The following DSCAM variants were observed in gnomAD, a reference collection of about 807,000 sequenced individuals.
DSCAM encodes cell adhesion molecule DSCAM.
A neutral mutation model predicts 217.7 loss-of-function variants in DSCAM; 47 were observed. That is an observed-to-expected ratio of 0.22 (90% CI 0.17 to 0.28). The LOEUF (loss-of-function observed/expected upper bound fraction) is 0.28, where lower values mean the gene tolerates loss of function less well. Ranked by LOEUF, DSCAM falls within the 10% of genes least tolerant of loss-of-function variation. DSCAM has a pLI of 1.00. For missense variants in DSCAM, 2,080 were observed against 2,618.3 expected (o/e 0.79, Z 4.49); for synonymous variants, 1,056 against 1,015.3 (o/e 1.04, Z -0.76).
intron 3 of DSCAM, among the ~76,000 whole-genome samples, chr21:40,604,087 G>C (rs1366916571): frequency 6.6e-6 from 1 of 151,432 alleles, no homozygotes; most frequent in Non-Finnish European, 1.5e-5. Flanking sequence ...TTTTGTAATT[G>C]TCCCAGAGTA....
At chr21:40,483,936 G>T (rs765789672) in intron 3 of DSCAM, among the ~76,000 whole-genome samples, 2 of 152,224 alleles carry the variant, frequency 1.3e-5, no homozygotes, top group Non-Finnish European at 2.9e-5. Context: ...TACCAAGGCT[G>T]AGGAAGTATT....
In DSCAM at chr21:40,455,816, A is replaced by G. The variant is rs545064928; in HGVS notation, c.509-86571T>C. ...AAAAAACGACATGGATGATAGATAAATAGATTGATGGATTGATAGATGATA... is the reference window on the plus strand; with the variant it reads ...AAAAAACGACATGGATGATAGATAAGTAGATTGATGGATTGATAGATGATA... On this transcript the variant is annotated intron_variant, in intron 3 of 32. Coordinates refer to ENST00000400454, the MANE Select transcript of DSCAM (RefSeq NM_001389.5). Among the ~76,000 whole-genome samples the G allele has an allele frequency of 2.6e-5, 4 of 152,194 alleles. No individual in the cohort carries two copies. The East Asian group carries it at 5.8e-4, about 22-fold the overall frequency.
chr21:40,759,463 T>C (rs1283159741), intron 1 of DSCAM, among the ~76,000 whole-genome samples: 1 of 152,208 alleles, frequency 6.6e-6, no homozygotes, highest in Non-Finnish European at 1.5e-5. Context: ...AAAGTGCACG[T>C]GACTCGCTTG....
intron 10 of DSCAM, among the ~76,000 whole-genome samples, chr21:40,288,761 G>T (rs946004731): frequency 6.6e-6 from 1 of 152,176 alleles, no homozygotes; most frequent in Non-Finnish European, 1.5e-5. Context: ...CTGACTAATG[G>T]CTATGTGCCA....
chr21:40,404,294 G>A (rs748006803), intron 3 of DSCAM, among the ~76,000 whole-genome samples: 19 of 152,190 alleles, frequency 1.2e-4, no homozygotes, highest in Non-Finnish European at 2.9e-5. Context: ...AAACAGTTAA[G>A]ATACTGTTTC....
chr21:40,041,884 T>C (rs762306436), intron 32 of DSCAM, among the ~76,000 whole-genome samples: 3 of 152,194 alleles, frequency 2.0e-5, no homozygotes, highest in Non-Finnish European at 4.4e-5. Flanking sequence ...GGCCTCTTTC[T>C]CTGGAATCAG....
intron 6 of DSCAM, among the ~76,000 whole-genome samples, chr21:40,344,491 A>G (rs996693750): frequency 6.6e-6 from 1 of 152,024 alleles, no homozygotes; most frequent in African/African-American, 2.4e-5. Flanking sequence ...ATTTTTCCTT[A>G]ATTTTTAAAG....
chr21:40,467,082 TGGCCACCAGAG>T (rs1165795516), intron 3 of DSCAM, among the ~76,000 whole-genome samples: 1 of 152,232 alleles, frequency 6.6e-6, no homozygotes, highest in Non-Finnish European at 1.5e-5. Context: ...AAAGATATTT[TGGCCACCAGAG>T]GGCTCCCAGA....
chr21:40,068,634 A>T (rs2089245509), intron 27 of DSCAM, among the ~76,000 whole-genome samples: 1 of 152,172 alleles, frequency 6.6e-6, no homozygotes, highest in Non-Finnish European at 1.5e-5. Context: ...TATTGATGAG[A>T]CAACCTGTTT....
At chr21:40,822,919 G>A (rs1287392016) in intron 1 of DSCAM, among the ~76,000 whole-genome samples, 1 of 152,184 alleles carries the variant, frequency 6.6e-6, no homozygotes, top group African/African-American at 2.4e-5. Context: ...GGAGGCCGAG[G>A]CGGGCGGATC....
At chr21:40,135,513 C>T (rs998220069) in intron 18 of DSCAM, among the ~76,000 whole-genome samples, 2 of 152,230 alleles carry the variant, frequency 1.3e-5, no homozygotes, top group African/African-American at 4.8e-5. Flanking sequence ...ATCTCAGCTG[C>T]TCTCCTCAGT....
chr21:40,265,513 C>G (rs956862086), intron 11 of DSCAM, among the ~76,000 whole-genome samples: 17 of 151,412 alleles, frequency 1.1e-4, no homozygotes, highest in Non-Finnish European at 2.2e-4. Context: ...TCATAGGGAA[C>G]CAAAAAAGAG....
At chr21:40,473,322 A>T (rs149207950) in intron 3 of DSCAM, among the ~76,000 whole-genome samples, 122 of 152,342 alleles carry the variant, frequency 8.0e-4, no homozygotes, top group African/African-American at 2.7e-3. Context: ...TTGAATAGAC[A>T]AAGGCAAGTA....
At chr21:40,498,026 A>C (rs2076133272) in intron 3 of DSCAM, among the ~76,000 whole-genome samples, 1 of 152,228 alleles carries the variant, frequency 6.6e-6, no homozygotes, top group African/African-American at 2.4e-5. Flanking sequence ...TAAAGTGTTA[A>C]GAGTATGGAT....
intron 10 of DSCAM, among the ~76,000 whole-genome samples, chr21:40,294,577 T>C (rs747892089): frequency 6.6e-6 from 1 of 152,014 alleles, no homozygotes; most frequent in Non-Finnish European, 1.5e-5. Flanking sequence ...CATACAGGAG[T>C]GTTCATTTGC....
chr21:40,156,806 G>C (rs1181928329), intron 16 of DSCAM, among the ~76,000 whole-genome samples: 2 of 152,222 alleles, frequency 1.3e-5, no homozygotes, highest in Admixed American at 1.3e-4. Flanking sequence ...GGTCACTTCT[G>C]TTATGCATTA....
chr21:40,507,939 G>T (rs1339960447), intron 3 of DSCAM, among the ~76,000 whole-genome samples: 4 of 152,082 alleles, frequency 2.6e-5, no homozygotes, highest in Admixed American at 6.6e-5. Flanking sequence ...CTCTCCTAGA[G>T]CACCAATCCC....
intron 1 of DSCAM, among the ~76,000 whole-genome samples, chr21:40,841,971 A>G (rs976785745): frequency 2.0e-5 from 3 of 152,294 alleles, no homozygotes; most frequent in South Asian, 4.1e-4. Flanking sequence ...GACGAACTCT[A>G]CGACGCCGGA....
intron 3 of DSCAM, among the ~76,000 whole-genome samples, chr21:40,614,913 CTT>C (rs2089368207): frequency 6.6e-6 from 1 of 152,014 alleles, no homozygotes; most frequent in African/African-American, 2.4e-5. Context: ...TATACACACA[CTT>C]ATGCCACATG....
Sources: gnomAD v4.1 joint callset for allele counts (sites outside exome capture counted in the v4.1 genomes callset) on GRCh38, gnomAD v4.1.1 for gene constraint, MANE v1.5 for transcripts, NCBI Gene and HGNC (gene_info 2026-07-23, HGNC 2026-07-21) for gene names.